Variants in ENOX1 observed in about 807,000 individuals in gnomAD.
ENOX1 encodes ecto-NOX disulfide-thiol exchanger 1, also known as candidate growth-related and time keeping constitutive hydroquinone (NADH) oxidase.
ENOX1 carries 42 observed loss-of-function variants against 82.5 expected under a neutral mutation model. That is an observed-to-expected ratio of 0.51 (90% CI 0.40 to 0.66). ENOX1 has a LOEUF of 0.66. Among genes scored for constraint, ENOX1 ranks in the 30% least tolerant of loss-of-function variants. ENOX1 has a pLI of 0.00. For missense variants in ENOX1, 608 were observed against 811.6 expected (o/e 0.75, Z 3.05); for synonymous variants, 271 against 282.2 (o/e 0.96, Z 0.40).
At chr13:43,261,397 A>G (rs1440738886) in intron 14 of ENOX1, among the ~76,000 whole-genome samples, 1 of 152,196 alleles carries the variant, frequency 6.6e-6, no homozygotes, top group Non-Finnish European at 1.5e-5. Context: ...AGACTCCACC[A>G]CACAGCTATT....
At chr13:43,239,519 AT>A in intron 14 of ENOX1, among the ~76,000 whole-genome samples, 1 of 152,206 alleles carries the variant, frequency 6.6e-6, no homozygotes, top group East Asian at 1.9e-4. Flanking sequence ...GGAAAACATC[AT>A]TTCCATTAGA....
intron 2 of ENOX1, among the ~76,000 whole-genome samples, chr13:43,605,837 A>G (rs966498307): frequency 6.6e-6 from 1 of 152,190 alleles, no homozygotes; most frequent in Non-Finnish European, 1.5e-5. Flanking sequence ...GCTTCTGCAC[A>G]GCAAAGGAAA....
At chr13:43,689,853 C>A (rs1566775763) in intron 1 of ENOX1, among the ~76,000 whole-genome samples, 3 of 152,106 alleles carry the variant, frequency 2.0e-5, no homozygotes, top group African/African-American at 7.2e-5. Context: ...CTCTGCTTTG[C>A]CCAAGGCTTC....
At chr13:43,235,343 C>T (rs536990135) in intron 15 of ENOX1, among the ~76,000 whole-genome samples, 189 of 152,318 alleles carry the variant, frequency 1.2e-3, no homozygotes, top group African/African-American at 3.9e-3. Flanking sequence ...GATGGATGGA[C>T]TCTGGACTGT....
chr13:43,630,352 A>G (rs1048538933), intron 2 of ENOX1, among the ~76,000 whole-genome samples: 1 of 152,130 alleles, frequency 6.6e-6, no homozygotes, highest in African/African-American at 2.4e-5. Context: ...GCTTGTTTGT[A>G]TGGTAGTCCT....
intron 2 of ENOX1, among the ~76,000 whole-genome samples, chr13:43,616,114 A>ATC (rs1486621108): frequency 7.1e-5 from 3 of 42,246 alleles, no homozygotes; most frequent in African/African-American, 2.6e-4. Flanking sequence ...ATAGATATCT[A>ATC]TAGATCTATA....
At chr13:43,509,994 AGTAGTG>A (rs2077307110) in intron 2 of ENOX1, among the ~76,000 whole-genome samples, 1 of 152,058 alleles carries the variant, frequency 6.6e-6, no homozygotes, top group South Asian at 2.1e-4. Flanking sequence ...AAGTTTCATG[AGTAGTG>A]GTACACATCA....
At chr13:43,310,749 T>C (rs1430798051) in intron 11 of ENOX1, among the ~76,000 whole-genome samples, 5 of 152,124 alleles carry the variant, frequency 3.3e-5, no homozygotes, top group Non-Finnish European at 7.4e-5. Context: ...GAAAATTAAA[T>C]CAACATATAG....
At chr13:43,467,515 T>TTTTTAAA (rs2057785192) in intron 3 of ENOX1, among the ~76,000 whole-genome samples, 1 of 123,390 alleles carries the variant, frequency 8.1e-6, no homozygotes. Context: ...TATTTTAAAA[T>TTTTTAAA]TTTAAAATTT....
intron 14 of ENOX1, among the ~76,000 whole-genome samples, chr13:43,249,342 A>G (rs2043319343): frequency 6.6e-6 from 1 of 152,242 alleles, no homozygotes; most frequent in Non-Finnish European, 1.5e-5. Flanking sequence ...CCACACTGCT[A>G]TAGCTACTCA....
chr13:43,622,795 G>A (rs1402895173), intron 2 of ENOX1, among the ~76,000 whole-genome samples: 1 of 152,072 alleles, frequency 6.6e-6, no homozygotes, highest in East Asian at 1.9e-4. Context: ...GAAGGAATGG[G>A]TGGTGGGGTG....
At position 43,487,758 on chromosome 13, in the gene ENOX1, T is replaced by C. The variant is rs74063862; in HGVS notation, c.-218-3606A>G. On this transcript the variant is annotated intron_variant, in intron 2 of 16. Transcript: ENST00000690772. ...ACTGTGGACAGAAACCACACACCCT[T>C]TTACTCTGGAAAGTATAATATAAAG... Among the ~76,000 whole-genome samples, 1,046 of 152,286 alleles carry C rather than the reference T, an allele frequency of 6.9e-3. 9 individuals are homozygous for C. The highest frequency in any genetic ancestry group is 0.022 in the African/African-American group (911 of 41,564).
chr13:43,567,878 T>C (rs1436929151), intron 2 of ENOX1, among the ~76,000 whole-genome samples: 1 of 152,208 alleles, frequency 6.6e-6, no homozygotes, highest in East Asian at 1.9e-4. Context: ...CTTTTCCTGG[T>C]TTCTTGTTTA....
chr13:43,397,075 G>A (rs781295353), intron 5 of ENOX1, among the ~76,000 whole-genome samples: 32 of 152,256 alleles, frequency 2.1e-4, no homozygotes, highest in Non-Finnish European at 3.4e-4. Context: ...TGAGGCCTGC[G>A]GCACACTGGG....
At chr13:43,734,199 G>GGTT (rs143259339) in intron 1 of ENOX1, among the ~76,000 whole-genome samples, 1,941 of 151,082 alleles carry the variant, frequency 0.013, 27 homozygotes, top group African/African-American at 0.037. Flanking sequence ...TTTTGTTGTT[G>GGTT]GTTGTTGTTG....
chr13:43,591,610 A>G (rs142198404), intron 2 of ENOX1, among the ~76,000 whole-genome samples: 199 of 152,324 alleles, frequency 1.3e-3, no homozygotes, highest in African/African-American at 4.7e-3. Flanking sequence ...TTGTCTTTCT[A>G]GTCTTATAAT....
intron 5 of ENOX1, among the ~76,000 whole-genome samples, chr13:43,392,556 G>A (rs1322589808): frequency 6.6e-6 from 1 of 152,086 alleles, no homozygotes; most frequent in African/African-American, 2.4e-5. Context: ...TTAGCCAGGC[G>A]CAGTGGCAGG....
At chr13:43,227,985 C>A (rs1355225431) in intron 15 of ENOX1, among the ~76,000 whole-genome samples, 1 of 152,010 alleles carries the variant, frequency 6.6e-6, no homozygotes, top group African/African-American at 2.4e-5. Context: ...CCTGTAGCAC[C>A]ACAGAAGCAT....
At chr13:43,746,311 CATT>C (rs1267495101) in intron 1 of ENOX1, among the ~76,000 whole-genome samples, 1 of 151,602 alleles carries the variant, frequency 6.6e-6, no homozygotes, top group Non-Finnish European at 1.5e-5. Flanking sequence ...TTACATATGT[CATT>C]AGAAAAAAAC....
Sources: gnomAD v4.1 joint callset for allele counts (sites outside exome capture counted in the v4.1 genomes callset) on GRCh38, gnomAD v4.1.1 for gene constraint, MANE v1.5 for transcripts, NCBI Gene and HGNC (gene_info 2026-07-23, HGNC 2026-07-21) for gene names.